TRHDE: variants seen among roughly 807,000 people sequenced by gnomAD.
TRHDE encodes thyrotropin releasing hormone degrading enzyme, also known as thyrotropin-releasing hormone-degrading ectoenzyme.
Under a neutral mutation model 125.7 loss-of-function variants are expected in TRHDE, and 72 were observed. The ratio of observed to expected loss-of-function variants is 0.57; its 90% confidence interval spans 0.47 to 0.70. TRHDE has a LOEUF of 0.70. TRHDE is among the 30% of genes least tolerant of loss of function. The pLI, the probability that TRHDE is intolerant of heterozygous loss-of-function variation, is 0.00. For synonymous variants in TRHDE, 509 were observed against 509.1 expected, an observed-to-expected ratio of 1.00 and a Z score of 0.00; for missense variants, 1,110 against 1,327.1, an observed-to-expected ratio of 0.84 and a Z score of 2.54.
At chr12:72,605,673 A>G (rs1872408669) in intron 12 of TRHDE, among the ~76,000 whole-genome samples, 1 of 152,164 alleles carries the variant, frequency 6.6e-6, no homozygotes, top group Non-Finnish European at 1.5e-5. Flanking sequence ...AGGCAGGAAA[A>G]GATCACTTTA....
At chr12:72,412,536 G>A (rs531433697) in intron 3 of TRHDE, among the ~76,000 whole-genome samples, 69 of 152,084 alleles carry the variant, frequency 4.5e-4, no homozygotes, top group Non-Finnish European at 8.5e-4. Context: ...CCTGTCCTAT[G>A]ATCCAGCAAG....
intron 2 of TRHDE, among the ~76,000 whole-genome samples, chr12:72,318,244 G>A (rs548792367): frequency 6.6e-6 from 1 of 152,164 alleles, no homozygotes; most frequent in South Asian, 2.1e-4. Context: ...TTTGTGGAGA[G>A]TCCAAAGAAA....
At chr12:72,382,144 G>A (rs185179763) in intron 3 of TRHDE, among the ~76,000 whole-genome samples, 35 of 152,272 alleles carry the variant, frequency 2.3e-4, no homozygotes, top group Middle Eastern at 6.8e-3. Context: ...GGTGTTTGTG[G>A]TGTCTGAGAC....
At chr12:72,134,515 G>C (rs1875937614) in intron 2 of TRHDE, among the ~76,000 whole-genome samples, 1 of 152,102 alleles carries the variant, frequency 6.6e-6, no homozygotes, top group African/African-American at 2.4e-5. Context: ...GTTCCTAAGA[G>C]GGGCCCTAGC....
chr12:72,436,516 G>A (rs1179715544), intron 3 of TRHDE, among the ~76,000 whole-genome samples: 1 of 151,744 alleles, frequency 6.6e-6, no homozygotes, highest in African/African-American at 2.4e-5. Flanking sequence ...ACAAAGTAAT[G>A]GTGTTTGTTT....
At position 72,160,924 on chromosome 12, in the gene TRHDE, T is replaced by C. The variant is rs17110892; in HGVS notation, n.279+55172T>C. ...GCAGTATTTAGTGTTATATGGGTGT[T>C]TGAGTAGAACTCTTCACTGTCCTGG... On this transcript the variant is annotated intron_variant and non_coding_transcript_variant, in intron 2 of 4. Coordinates refer to the TRHDE transcript ENST00000548156. Among the ~76,000 whole-genome samples the C allele has an allele frequency of 1.2e-3, 186 of 152,334 alleles. 4 individuals are homozygous for C. The East Asian group carries it at 0.031, about 26-fold the overall frequency.
chr12:72,469,153 C>T (rs1490113260), intron 3 of TRHDE, among the ~76,000 whole-genome samples: 2 of 152,130 alleles, frequency 1.3e-5, no homozygotes, highest in Non-Finnish European at 2.9e-5. Flanking sequence ...GTCGCATAGC[C>T]AGTTGGTGAC....
In TRHDE at chr12:72,464,562, A is replaced by G. The variant is rs549910817; in HGVS notation, c.1316-5196A>G. 5.3e-5 allele frequency among the ~76,000 whole-genome samples: 8 copies of G among 152,322 alleles called. No homozygotes were observed. In the South Asian group the frequency reaches 1.2e-3, roughly 24 times the overall value. Reference sequence around the variant, plus strand: ...CAGTTGGTAAAACAAAACAACACAGAAGCCACAGATGTAAATCCTGGAAAC... The same window carrying G: ...CAGTTGGTAAAACAAAACAACACAGGAGCCACAGATGTAAATCCTGGAAAC... On this transcript the variant is annotated intron_variant, in intron 3 of 18. Coordinates refer to ENST00000261180, the MANE Select transcript of TRHDE (RefSeq NM_013381.3).
chr12:72,553,389 C>T (rs1340849773), intron 7 of TRHDE, among the ~76,000 whole-genome samples: 1 of 152,102 alleles, frequency 6.6e-6, no homozygotes, highest in East Asian at 1.9e-4. Context: ...GAAATCTAAT[C>T]TGGATACTCA....
Position 72,363,081 on chromosome 12 carries a change from G to A in TRHDE, c.1189-14914G>A, listed in dbSNP as rs190901518. Among the ~76,000 whole-genome samples, 638 of 152,064 alleles carry A rather than the reference G, an allele frequency of 4.2e-3. 9 individuals are homozygous for A. The highest frequency in any genetic ancestry group is 0.015 in the African/African-American group (616 of 41,494). ...TTGGTTCCATATGAACTTTAAAGTA[G>A]GTTTTTCCAGTTCTGTGAAGAAAGT... On this transcript the variant is annotated intron_variant, in intron 2 of 18. Coordinates refer to ENST00000261180, the MANE Select transcript of TRHDE (RefSeq NM_013381.3).
chr12:72,246,219 A>C (rs1878573061), intron 2 of TRHDE, among the ~76,000 whole-genome samples: 1 of 150,974 alleles, frequency 6.6e-6, no homozygotes, highest in Non-Finnish European at 1.5e-5. Context: ...AATGAAAAAA[A>C]ATTTCCCTAC....
intron 5 of TRHDE, among the ~76,000 whole-genome samples, chr12:72,487,114 A>G (rs887798731): frequency 6.6e-5 from 10 of 152,168 alleles, no homozygotes; most frequent in Admixed American, 1.3e-4. Flanking sequence ...TTTTTTTACA[A>G]AATTAAAAAC....
At chr12:72,650,790 C>T (rs1311962230) in intron 15 of TRHDE, among the ~76,000 whole-genome samples, 1 of 151,912 alleles carries the variant, frequency 6.6e-6, no homozygotes, top group Admixed American at 6.6e-5. Flanking sequence ...GAGGAAAAGA[C>T]CCACTCTGTT....
intron 5 of TRHDE, among the ~76,000 whole-genome samples, chr12:72,477,673 C>A (rs1357467737): frequency 1.3e-5 from 2 of 152,158 alleles, no homozygotes; most frequent in East Asian, 3.8e-4. Context: ...AGCACAGTAA[C>A]TGTTCTTCAA....
At chr12:72,256,394 C>G (rs1878815257) in intron 2 of TRHDE, 1 of 152,134 alleles carries the variant, frequency 6.6e-6, no homozygotes, top group Non-Finnish European at 1.5e-5. Flanking sequence ...TACTTCACTT[C>G]CTGCAGATCC....
At chr12:72,400,093 C>T (rs1357268000) in intron 3 of TRHDE, among the ~76,000 whole-genome samples, 1 of 151,856 alleles carries the variant, frequency 6.6e-6, no homozygotes, top group Non-Finnish European at 1.5e-5. Context: ...GGGTGTCAAG[C>T]CTTTTGAGTA....
At chr12:72,652,282 CT>C (rs748034138) in intron 15 of TRHDE, 39 bp from the exon 16 acceptor site, 1 of 1,344,862 alleles carries the variant, frequency 7.4e-7, no homozygotes, top group South Asian at 2.2e-5. Flanking sequence ...TACTGTTAAG[CT>C]TTTAATTAAC....
At chr12:72,435,875 G>A (rs1874720258) in intron 3 of TRHDE, among the ~76,000 whole-genome samples, 2 of 151,788 alleles carry the variant, frequency 1.3e-5, no homozygotes, top group African/African-American at 4.8e-5. Flanking sequence ...GCTATTACAA[G>A]CAAACAGAGA....
chr12:72,364,501 A>G (rs1331787110), intron 2 of TRHDE, among the ~76,000 whole-genome samples: 1 of 152,004 alleles, frequency 6.6e-6, no homozygotes, highest in Non-Finnish European at 1.5e-5. Context: ...AGGGATTTCT[A>G]CTTGTTTGGT....
Sources: allele counts gnomAD v4.1 joint callset (sites outside exome capture counted in the v4.1 genomes callset), GRCh38; gene constraint gnomAD v4.1.1; transcripts MANE v1.5; gene names NCBI Gene and HGNC (gene_info 2026-07-23, HGNC 2026-07-21).